CHIC1: variants seen among roughly 807,000 people sequenced by gnomAD.
CHIC1 encodes the protein cysteine-rich hydrophobic domain-containing protein 1.
CHIC1 carries 7 observed loss-of-function variants against 18.5 expected under a neutral mutation model. The ratio of observed to expected loss-of-function variants is 0.38; its 90% CI spans 0.22 to 0.71. The LOEUF (loss-of-function observed/expected upper bound fraction) is 0.71. Ranked by LOEUF, CHIC1 falls within the 30% of genes least tolerant of loss-of-function variation. The pLI, the probability that CHIC1 is intolerant of heterozygous loss-of-function variation, is 0.49. For missense variants in CHIC1, 159 were observed against 176.9 expected (o/e 0.90, Z 0.57); for synonymous variants, 77 against 73.5 (o/e 1.05, Z -0.25).
chrX:73,597,367 A>G (rs2057615026), intron 3 of CHIC1, among the ~76,000 whole-genome samples: 1 of 110,008 alleles, frequency 9.1e-6, no homozygotes, highest in African/African-American at 3.3e-5. Flanking sequence ...GGGTGTTTTT[A>G]TATAATCTTG....
chrX:73,670,286 G>A (rs1481417449), intron 3 of CHIC1, among the ~76,000 whole-genome samples: 1 of 111,567 alleles, frequency 9.0e-6, no homozygotes, highest in Non-Finnish European at 1.9e-5. Flanking sequence ...GGTTGAAGGT[G>A]CTATATTCAC....
At chrX:73,612,136 G>T (rs2057711887) in intron 3 of CHIC1, among the ~76,000 whole-genome samples, 1 of 111,039 alleles carries the variant, frequency 9.0e-6, no homozygotes, top group Non-Finnish European at 1.9e-5. Context: ...TTTTCTTCTA[G>T]GGTTTTTATG....
chrX:73,639,117 G>A (rs2057843707), intron 3 of CHIC1, among the ~76,000 whole-genome samples: 1 of 111,667 alleles, frequency 9.0e-6, no homozygotes, highest in Admixed American at 9.5e-5. Context: ...TTTCTACAGT[G>A]GTTTTCACAT....
At chrX:73,628,428 C>T (rs2057793124) in intron 3 of CHIC1, among the ~76,000 whole-genome samples, 1 of 111,982 alleles carries the variant, frequency 8.9e-6, no homozygotes, top group Non-Finnish European at 1.9e-5. Context: ...GGCTGTAGCC[C>T]TTTGTGGCAA....
intron 3 of CHIC1, among the ~76,000 whole-genome samples, chrX:73,667,562 C>A (rs1482933809): frequency 9.0e-6 from 1 of 111,695 alleles, no homozygotes; most frequent in Non-Finnish European, 1.9e-5. Flanking sequence ...CAAATTCCCT[C>A]AGCATCTGCT....
intron 3 of CHIC1, among the ~76,000 whole-genome samples, chrX:73,669,994 C>T (rs1220563588): frequency 8.9e-6 from 1 of 111,823 alleles, no homozygotes. Context: ...TTGTGCATGC[C>T]AGAGCAGCCA....
At chrX:73,661,698 C>T (rs2057981304) in intron 3 of CHIC1, among the ~76,000 whole-genome samples, 2 of 111,474 alleles carry the variant, frequency 1.8e-5, no homozygotes, top group African/African-American at 6.5e-5. Context: ...TTTCAAGGTT[C>T]TGCAGTAAAT....
intron 5 of CHIC1, among the ~76,000 whole-genome samples, chrX:73,680,267 C>T (rs776144647): frequency 9.0e-6 from 1 of 110,742 alleles, no homozygotes; most frequent in East Asian, 2.8e-4. Flanking sequence ...TTTATCCAAA[C>T]TTCCAATATG....
chrX:73,603,596 C>T (rs1299470749), intron 3 of CHIC1, among the ~76,000 whole-genome samples: 1 of 108,591 alleles, frequency 9.2e-6, no homozygotes, highest in African/African-American at 3.6e-5. Flanking sequence ...AAAGGGAATG[C>T]TTCCAGTTTT....
chrX:73,633,532 A>C (rs1204294939), intron 3 of CHIC1, among the ~76,000 whole-genome samples: 1 of 111,327 alleles, frequency 9.0e-6, no homozygotes, highest in African/African-American at 3.3e-5. Context: ...CTCTCAACCT[A>C]TTTGGAGTTC....
chrX:73,677,135 C>T (rs1014061778), intron 3 of CHIC1, among the ~76,000 whole-genome samples: 4 of 111,682 alleles, frequency 3.6e-5, no homozygotes, highest in East Asian at 2.8e-4. Context: ...GGTGTCAGTT[C>T]GCCCCTACTG....
rs781044727 is a variant in CHIC1 at position 73,628,058 on chromosome X, T to C, written c.507+43486T>C. On this transcript the variant is annotated intron_variant, in intron 3 of 5. Transcript: ENST00000373502. The stretch of plus-strand genomic sequence containing the variant: ...TTTCCTTCAAGGCAGTGGGTTCCCT[T>C]CTGGCCCAGGGTGTGTCTAGAAATG... 1.1e-4 allele frequency among the ~76,000 whole-genome samples: 12 copies of C among 111,571 alleles called. No homozygotes were observed. In the South Asian group the frequency reaches 4.2e-3, roughly 39 times the overall value.
chrX:73,640,277 A>G (rs937431194), intron 3 of CHIC1, among the ~76,000 whole-genome samples: 1 of 112,033 alleles, frequency 8.9e-6, no homozygotes, highest in Non-Finnish European at 1.9e-5. Context: ...TTCTGCATCT[A>G]TTGAGATAAT....
At chrX:73,646,499 T>C (rs745818369) in intron 3 of CHIC1, among the ~76,000 whole-genome samples, 1 of 112,251 alleles carries the variant, frequency 8.9e-6, no homozygotes, top group South Asian at 3.7e-4. Flanking sequence ...TTGTGTGTTC[T>C]TCCATTTCTG....
intron 3 of CHIC1, among the ~76,000 whole-genome samples, chrX:73,643,599 T>A (rs1331198511): frequency 8.9e-6 from 1 of 111,836 alleles, no homozygotes; most frequent in Non-Finnish European, 1.9e-5. Flanking sequence ...ACTTCCCTTC[T>A]CGCTTCATTT....
Position 73,683,026 on chromosome X carries a change from C to T in CHIC1, c.*2021C>T, listed in dbSNP as rs1685224582. On this transcript the variant is annotated 3_prime_UTR_variant, in exon 6 of 6. Transcript: ENST00000373502. The stretch of plus-strand genomic sequence containing the variant: ...TTAGAAATCTTATTTTTTTCTATAA[C>T]CTTAGAATTTGATCATATGATGGTC... 9.0e-6 allele frequency: 1 copy of T among 110,776 alleles called. No individual in the cohort carries two copies. The highest frequency in any genetic ancestry group is 3.3e-5 in the African/African-American group (1 of 30,562). 9.1% of individuals were successfully genotyped at this position (110,776 alleles called of 1,213,427 possible). A position where few individuals can be genotyped will look rare whatever the true frequency, so the allele number is the denominator to read the frequency against.
chrX:73,655,658 T>G (rs1388562660), intron 3 of CHIC1, among the ~76,000 whole-genome samples: 1 of 92,898 alleles, frequency 1.1e-5, no homozygotes, highest in Non-Finnish European at 2.0e-5. Context: ...TGTATATATA[T>G]ATATATATAT....
At chrX:73,644,549 G>T (rs1026443078) in intron 3 of CHIC1, among the ~76,000 whole-genome samples, 13 of 112,437 alleles carry the variant, frequency 1.2e-4, no homozygotes, top group Admixed American at 1.1e-3. Context: ...CAAGCTTCCC[G>T]GCTGCTTTGT....
intron 3 of CHIC1, among the ~76,000 whole-genome samples, chrX:73,634,246 T>G (rs778509354): frequency 1.8e-5 from 2 of 112,157 alleles, no homozygotes; most frequent in Non-Finnish European, 3.8e-5. Context: ...AACTTTTCTG[T>G]GAATGTGCCC....
Sources: allele counts gnomAD v4.1 joint callset (sites outside exome capture counted in the v4.1 genomes callset), GRCh38; gene constraint gnomAD v4.1.1; transcripts MANE v1.5; gene names NCBI Gene and HGNC (gene_info 2026-07-23, HGNC 2026-07-21).